Variants in TMEM161B observed in about 807,000 individuals in gnomAD.
TMEM161B encodes the protein transmembrane protein 161B.
TMEM161B carries 34 observed loss-of-function variants against 61.8 expected under a neutral mutation model. That is an observed-to-expected ratio of 0.55 (90% CI 0.42 to 0.73). The LOEUF is 0.73. Among genes scored for constraint, TMEM161B ranks in the 30% least tolerant of loss-of-function variants. The pLI is 0.00. For missense variants in TMEM161B, 456 were observed against 558.5 expected (o/e 0.82, Z 1.85); for synonymous variants, 167 against 192.8 (o/e 0.87, Z 1.11).
At chr5:88,197,521 C>A (rs1259516277) in intron 11 of TMEM161B, 148 bp downstream of exon 11, 10 of 654,676 alleles carry the variant, frequency 1.5e-5, no homozygotes, top group Non-Finnish European at 1.6e-5. Context: ...AAATCACCTT[C>A]CACAGCTAAA....
chr5:88,206,994 C>G, intron 6 of TMEM161B, 35 bp downstream of exon 6: 1 of 1,599,028 alleles, frequency 6.3e-7, no homozygotes, highest in African/African-American at 1.3e-5. Context: ...CTAGATAAAG[C>G]AAAATTGATT....
At chr5:88,219,359 G>T (rs1295016593) in intron 5 of TMEM161B, among the ~76,000 whole-genome samples, 1 of 152,126 alleles carries the variant, frequency 6.6e-6, no homozygotes, top group Non-Finnish European at 1.5e-5. Flanking sequence ...TCAAGGAATG[G>T]CCTTGAAAGT....
At chr5:88,199,777 C>A (rs1304381507) in intron 9 of TMEM161B, 1 of 152,052 alleles carries the variant, frequency 6.6e-6, no homozygotes, top group African/African-American at 2.4e-5. Context: ...ATTTCAGAAA[C>A]CAGACCACTG....
At chr5:88,235,988 T>C (rs1467008022) in intron 2 of TMEM161B, among the ~76,000 whole-genome samples, 1 of 152,180 alleles carries the variant, frequency 6.6e-6, no homozygotes, top group Non-Finnish European at 1.5e-5. Flanking sequence ...TTAAGGGTAG[T>C]AGCTGAAGGT....
rs1752333129 is a variant in TMEM161B at position 88,239,139 on chromosome 5, A to C, written c.107+1674T>G. ...AAAGATTTTAAATATAAATCTTCCA[A>C]TATTAATAAAGATAATCAGCTTTTT... On this transcript the variant is annotated intron_variant, in intron 2 of 11. Transcript: ENST00000296595. Among the ~76,000 whole-genome samples, 5 of 152,136 alleles carry C rather than the reference A, an allele frequency of 3.3e-5. No homozygotes were observed. In the South Asian group the frequency reaches 8.3e-4, roughly 25 times the overall value.
intron 1 of TMEM161B, among the ~76,000 whole-genome samples, chr5:88,267,894 T>A (rs1756613345): frequency 6.6e-6 from 1 of 152,166 alleles, no homozygotes; most frequent in Non-Finnish European, 1.5e-5. Flanking sequence ...TTCTCTCGGG[T>A]ACCTGAATTT....
rs1052626330 is a variant in TMEM161B, at chr5:88,195,392, A to G, written c.*819T>C. On this transcript the variant is annotated 3_prime_UTR_variant, in exon 12 of 12. Coordinates refer to ENST00000296595, the MANE Select transcript of TMEM161B (RefSeq NM_153354.5). ...AATATATAATATATATACAATACAT[A>G]CAGGTAGTCAGCAGGTTTACAAAGT... 9.1e-5 allele frequency: 74 copies of G among 817,670 alleles called. No individual in the cohort carries two copies. The highest frequency in any genetic ancestry group is 1.1e-4 in the Non-Finnish European group (74 of 679,484). The allele number at this position is 817,670 out of a possible 1,614,324, so 50.7% of individuals were successfully genotyped here.
At chr5:88,268,614 T>C (rs1756743456) in intron 1 of TMEM161B, 107 bp downstream of exon 1, 18 of 1,529,396 alleles carry the variant, frequency 1.2e-5, no homozygotes, top group Non-Finnish European at 1.6e-5. Context: ...CATCCCAACG[T>C]CTCAACTCCA....
At chr5:88,246,829 A>T (rs1048444803) in intron 1 of TMEM161B, among the ~76,000 whole-genome samples, 2 of 152,040 alleles carry the variant, frequency 1.3e-5, no homozygotes, top group African/African-American at 4.8e-5. Context: ...TGCAATGAAA[A>T]TACCAAGTCT....
intron 9 of TMEM161B, chr5:88,200,945 A>G (rs1482583178): frequency 6.6e-6 from 1 of 151,972 alleles, no homozygotes; most frequent in Admixed American, 6.6e-5. Flanking sequence ...CCACAAACCA[A>G]TTTGTCTGTG....
downstream of TMEM161B, among the ~76,000 whole-genome samples, chr5:88,187,533 T>A (rs192203991): frequency 1.3e-5 from 2 of 152,340 alleles, no homozygotes; most frequent in African/African-American, 4.8e-5. Context: ...ACAGGTCTTA[T>A]ACATGTTGGT....
At chr5:88,193,766 AC>A (rs1336483495), downstream of TMEM161B, among the ~76,000 whole-genome samples, 2 of 152,176 alleles carry the variant, frequency 1.3e-5, no homozygotes, top group Non-Finnish European at 2.9e-5. Flanking sequence ...GATTATAAAT[AC>A]CAGGTGAGAT....
rs372877593 is a variant in TMEM161B, at chr5:88,203,123, C to T, written c.801-48G>A. 6.0e-6 allele frequency: 7 copies of T among 1,173,828 alleles called. No homozygotes were observed. The African/African-American group carries it at 7.4e-5, about 12-fold the overall frequency. 72.7% of individuals were successfully genotyped at this position (1,173,828 alleles called of 1,614,324 possible). ...TATAAAAATTCAGAAACAGCACGTG[C>T]TAATAAACTACAGAAGCTGGGGTCT... On this transcript the variant is annotated intron_variant, in intron 8 of 11. Coordinates refer to ENST00000296595, the MANE Select transcript of TMEM161B (RefSeq NM_153354.5).
intron 2 of TMEM161B, among the ~76,000 whole-genome samples, chr5:88,239,077 A>T (rs1476651219): frequency 6.6e-6 from 1 of 152,012 alleles, no homozygotes; most frequent in Non-Finnish European, 1.5e-5. Flanking sequence ...CTTACTCTCA[A>T]ATTATCTATG....
downstream of TMEM161B, among the ~76,000 whole-genome samples, chr5:88,192,882 T>C (rs528202899): frequency 2.6e-4 from 40 of 152,356 alleles, no homozygotes; most frequent in Non-Finnish European, 4.3e-4. Context: ...GAATAATATC[T>C]ATCCAGTGAA....
At chr5:88,237,717 T>C (rs199957105) in intron 2 of TMEM161B, among the ~76,000 whole-genome samples, 1 of 151,554 alleles carries the variant, frequency 6.6e-6, no homozygotes, top group Non-Finnish European at 1.5e-5. Context: ...CAGACTACTA[T>C]ACAGTTTCTT....
Position 88,207,003 on chromosome 5 carries a change from TTTTTAAAG to T in TMEM161B, c.598+18_598+25del. The T allele has an allele frequency of 6.2e-7, 1 of 1,605,314 alleles. No homozygotes were observed. The highest frequency in any genetic ancestry group is 8.5e-7 in the Non-Finnish European group (1 of 1,176,552). ...TTAACACTAGATAAAGCAAAATTGA[TTTTTAAAG>T]TTGTATGAAACTATTACCTGTTTCA... On this transcript the variant is annotated intron_variant, in intron 6 of 11. Transcript: ENST00000296595.
intron 4 of TMEM161B, among the ~76,000 whole-genome samples, chr5:88,223,135 T>TA (rs1749313170): frequency 6.6e-6 from 1 of 151,546 alleles, no homozygotes; most frequent in South Asian, 2.1e-4. Context: ...AAATTCATTT[T>TA]TTTTTTTTAG....
intron 5 of TMEM161B, among the ~76,000 whole-genome samples, chr5:88,216,130 T>C (rs1375559029): frequency 1.3e-5 from 2 of 152,056 alleles, no homozygotes; most frequent in Non-Finnish European, 2.9e-5. Context: ...ACTGCAGTCC[T>C]AGCTGCTCTG....
Sources: gnomAD v4.1 joint callset for allele counts (sites outside exome capture counted in the v4.1 genomes callset) on GRCh38, gnomAD v4.1.1 for gene constraint, MANE v1.5 for transcripts, NCBI Gene and HGNC (gene_info 2026-07-23, HGNC 2026-07-21) for gene names.